The following TSPAN18 variants were observed in gnomAD, a reference collection of about 807,000 sequenced individuals.
TSPAN18 encodes tetraspanin-18.
In TSPAN18, 14 loss-of-function variants were observed where a neutral mutation model predicts 27.3. That is an observed-to-expected ratio of 0.51 (90% CI 0.34 to 0.80). The LOEUF (loss-of-function observed/expected upper bound fraction) is 0.80. Among genes scored for constraint, TSPAN18 ranks in the 30% least tolerant of loss-of-function variants. TSPAN18 has a pLI of 0.01. For synonymous variants in TSPAN18, 143 were observed against 136.5 expected, an observed-to-expected ratio of 1.05 and a Z score of -0.33; for missense variants, 268 against 323.9, an observed-to-expected ratio of 0.83 and a Z score of 1.32.
intron 1 of TSPAN18, among the ~76,000 whole-genome samples, chr11:44,746,540 G>A (rs924729922): frequency 1.3e-5 from 2 of 152,126 alleles, no homozygotes; most frequent in African/African-American, 4.8e-5. Flanking sequence ...GATTGTTTGA[G>A]GCCAGGAGTT....
At chr11:44,841,559 G>A (rs1025102042) in intron 2 of TSPAN18, among the ~76,000 whole-genome samples, 5 of 151,846 alleles carry the variant, frequency 3.3e-5, no homozygotes, top group Non-Finnish European at 7.4e-5. Flanking sequence ...GTATGAAGGT[G>A]GGAAAATATT....
intron 1 of TSPAN18, among the ~76,000 whole-genome samples, chr11:44,752,352 C>T (rs1037649280): frequency 7.2e-5 from 11 of 152,146 alleles, no homozygotes; most frequent in African/African-American, 2.7e-4. Flanking sequence ...AAAGCCCATC[C>T]CTTCTATTCA....
In TSPAN18 at chr11:44,919,849, C is replaced by T; in HGVS notation, c.465C>T (p.Asp155=). ...FGCCGVNGPE[D]FKFASVFRLL... is the part of the protein sequence containing the mutation. ...GCTGCGGGGTCAACGGGCCTGAAGA[C>T]TTTAAGTTTGCATCTGTGTTTCGAC... The change falls in exon 8 of 10, where the codon GAC becomes GAT. Residue 155 remains aspartate (D), a synonymous_variant. Transcript: ENST00000520358. The T allele has an allele frequency of 1.2e-6, 2 of 1,614,206 alleles. No homozygotes were observed. Among genetic ancestry groups the T allele is most frequent in the Non-Finnish European group, 1.7e-6 (2 of 1,180,038 alleles).
At chr11:44,804,572 T>C (rs1856551657) in intron 2 of TSPAN18, among the ~76,000 whole-genome samples, 1 of 152,116 alleles carries the variant, frequency 6.6e-6, no homozygotes, top group Non-Finnish European at 1.5e-5. Context: ...TCATCTCAGT[T>C]CAGCACAGAG....
chr11:44,914,317 G>A (rs909199997), intron 5 of TSPAN18, among the ~76,000 whole-genome samples: 2 of 152,186 alleles, frequency 1.3e-5, no homozygotes, highest in East Asian at 1.9e-4. Context: ...AGAAAAGCCC[G>A]GGCTCTAACT....
At chr11:44,744,919 GC>G (rs1490963915) in intron 1 of TSPAN18, among the ~76,000 whole-genome samples, 1 of 152,228 alleles carries the variant, frequency 6.6e-6, no homozygotes, top group Non-Finnish European at 1.5e-5. Context: ...GGGTGGATGA[GC>G]CTGTTTTACC....
chr11:44,893,387 C>G (rs1331297441), intron 3 of TSPAN18, among the ~76,000 whole-genome samples: 1 of 152,220 alleles, frequency 6.6e-6, no homozygotes. Context: ...TAGATTTTAT[C>G]CCCCGCTCAG....
chr11:44,893,797 C>T (rs11038187), intron 3 of TSPAN18, among the ~76,000 whole-genome samples: 20,800 of 152,172 alleles, frequency 0.14, 1,562 homozygotes, highest in Middle Eastern at 0.21. Flanking sequence ...TAATACATTG[C>T]CTTGCGTTAA....
intron 3 of TSPAN18, among the ~76,000 whole-genome samples, chr11:44,863,374 G>A (rs1857947672): frequency 6.6e-6 from 1 of 152,254 alleles, no homozygotes; most frequent in Non-Finnish European, 1.5e-5. Flanking sequence ...TGGGCCTGGG[G>A]CCATCTTGTC....
chr11:44,842,930 C>T (rs1857403114), intron 2 of TSPAN18, among the ~76,000 whole-genome samples: 1 of 152,054 alleles, frequency 6.6e-6, no homozygotes, highest in Admixed American at 6.6e-5. Context: ...CCCCCTTCCC[C>T]CACCCTTCCC....
At chr11:44,832,828 C>G (rs1000378200) in intron 2 of TSPAN18, among the ~76,000 whole-genome samples, 8 of 152,126 alleles carry the variant, frequency 5.3e-5, no homozygotes, top group Non-Finnish European at 1.2e-4. Context: ...GTTCACTTAT[C>G]CAGGGAAACC....
intron 8 of TSPAN18, among the ~76,000 whole-genome samples, chr11:44,924,279 C>T (rs985549057): frequency 1.3e-5 from 2 of 151,676 alleles, no homozygotes; most frequent in Non-Finnish European, 2.9e-5. Flanking sequence ...CAACACTCTT[C>T]CTAGTGCCTT....
intron 4 of TSPAN18, among the ~76,000 whole-genome samples, chr11:44,907,006 C>A (rs1433575019): frequency 6.6e-6 from 1 of 152,232 alleles, no homozygotes; most frequent in Non-Finnish European, 1.5e-5. Flanking sequence ...ACCTCAGTAT[C>A]TTCATCTCTT....
intron 3 of TSPAN18, among the ~76,000 whole-genome samples, chr11:44,882,209 C>T (rs1858506765): frequency 6.6e-6 from 1 of 152,138 alleles, no homozygotes; most frequent in Non-Finnish European, 1.5e-5. Flanking sequence ...CCCCTAGAAG[C>T]GCAGCATCCA....
chr11:44,836,355 A>G (rs1212138157), intron 2 of TSPAN18, among the ~76,000 whole-genome samples: 1 of 152,248 alleles, frequency 6.6e-6, no homozygotes, highest in African/African-American at 2.4e-5. Flanking sequence ...CCTAATCCAG[A>G]GAAAGGTCCT....
Position 44,930,927 on chromosome 11 carries a change from G to C in TSPAN18, c.*1749G>C. The C allele has an allele frequency of 1.9e-6, 1 of 521,568 alleles. No homozygotes were observed. Among genetic ancestry groups the C allele is most frequent in the South Asian group, 1.4e-5 (1 of 69,122 alleles). The allele number at this position is 521,568 out of a possible 1,614,324, so 32.3% of individuals were successfully genotyped here. Reference sequence around the variant, plus strand: ...TGTATCAGCTTCCAGCCTCCCCTCAGGCTTTCCAGTCACCAGGGACACTCG... The same window carrying C: ...TGTATCAGCTTCCAGCCTCCCCTCACGCTTTCCAGTCACCAGGGACACTCG... On this transcript the variant is annotated 3_prime_UTR_variant, in exon 10 of 10. Transcript: ENST00000520358.
chr11:44,790,523 G>A (rs927222823), intron 2 of TSPAN18, among the ~76,000 whole-genome samples: 1 of 130,106 alleles, frequency 7.7e-6, no homozygotes, highest in East Asian at 2.4e-4. Context: ...ATGTGTTTTT[G>A]GTGTGTGCAT....
chr11:44,905,803 G>T (rs1164924432), intron 3 of TSPAN18, among the ~76,000 whole-genome samples: 1 of 152,216 alleles, frequency 6.6e-6, no homozygotes, highest in African/African-American at 2.4e-5. Flanking sequence ...AGGTAGCCAA[G>T]GCTCAGGGAG....
chr11:44,795,749 C>T (rs1379161371), intron 2 of TSPAN18, among the ~76,000 whole-genome samples: 1 of 152,110 alleles, frequency 6.6e-6, no homozygotes, highest in South Asian at 2.1e-4. Flanking sequence ...GGAGTCTTGA[C>T]CTCTCAGAAC....
Sources: allele counts gnomAD v4.1 joint callset (sites outside exome capture counted in the v4.1 genomes callset), GRCh38; gene constraint gnomAD v4.1.1; transcripts MANE v1.5; gene names NCBI Gene and HGNC (gene_info 2026-07-23, HGNC 2026-07-21).